Variants in GPR158 observed in about 807,000 individuals in gnomAD.
GPR158 encodes the protein G protein-coupled receptor 158, also known as metabotropic glycine receptor.
In GPR158, 30 loss-of-function variants were observed where a neutral mutation model predicts 78.2. The ratio of observed to expected loss-of-function variants is 0.38; its 90% CI spans 0.29 to 0.52. The LOEUF (loss-of-function observed/expected upper bound fraction) is 0.52. Ranked by LOEUF, GPR158 falls within the 20% of genes least tolerant of loss-of-function variation. The pLI is 0.83. For synonymous variants in GPR158, 581 were observed against 591.1 expected (o/e 0.98, Z 0.25); for missense variants, 1,463 against 1,523.5 (o/e 0.96, Z 0.66).
chr10:25,592,903 CAAAA>C (rs113359370), intron 8 of GPR158, among the ~76,000 whole-genome samples: 4 of 62,482 alleles, frequency 6.4e-5, no homozygotes, highest in Admixed American at 1.7e-4. Context: ...TATTTCAATG[CAAAA>C]AAAAAAAAAA....
chr10:25,222,784 G>C (rs1278970658), intron 2 of GPR158, among the ~76,000 whole-genome samples: 1 of 152,262 alleles, frequency 6.6e-6, no homozygotes, highest in African/African-American at 2.4e-5. Context: ...ATATTGATCT[G>C]TGTGTGTTCA....
At chr10:25,389,461 G>C (rs1208295766) in intron 2 of GPR158, among the ~76,000 whole-genome samples, 1 of 152,110 alleles carries the variant, frequency 6.6e-6, no homozygotes, top group African/African-American at 2.4e-5. Flanking sequence ...CTGAACACTC[G>C]TTGGAACACT....
chr10:25,431,050 G>C (rs1447832537), intron 4 of GPR158, among the ~76,000 whole-genome samples: 2 of 145,154 alleles, frequency 1.4e-5, no homozygotes, highest in Admixed American at 6.9e-5. Context: ...CACAGCAAAA[G>C]AAACTACCAT....
intron 4 of GPR158, among the ~76,000 whole-genome samples, chr10:25,414,139 A>G (rs1379057126): frequency 2.0e-5 from 3 of 152,186 alleles, no homozygotes; most frequent in Admixed American, 6.5e-5. Context: ...ATAATTAATG[A>G]TTGCTCTGCT....
At chr10:25,342,304 T>G (rs954502491) in intron 2 of GPR158, among the ~76,000 whole-genome samples, 24 of 151,888 alleles carry the variant, frequency 1.6e-4, no homozygotes, top group African/African-American at 5.8e-4. Flanking sequence ...TAATCCCTGC[T>G]GCCTTACATC....
At chr10:25,192,803 C>A (rs77808062) in intron 1 of GPR158, among the ~76,000 whole-genome samples, 6,601 of 151,100 alleles carry the variant, frequency 0.044, 417 homozygotes, top group African/African-American at 0.13. Context: ...AAATAAAAAT[C>A]GAATTCATCA....
chr10:25,401,095 ACT>A (rs909089230), intron 3 of GPR158, among the ~76,000 whole-genome samples: 2 of 151,822 alleles, frequency 1.3e-5, no homozygotes, highest in Non-Finnish European at 2.9e-5. Flanking sequence ...TGAGTCTCAC[ACT>A]CTCTTCCTAC....
intron 10 of GPR158, among the ~76,000 whole-genome samples, chr10:25,597,038 C>A (rs1368776390): frequency 6.6e-6 from 1 of 152,170 alleles, no homozygotes; most frequent in East Asian, 1.9e-4. Context: ...GTAACCTGGT[C>A]AACCTCAGTA....
chr10:25,594,126 G>A, intron 8 of GPR158, 166 bp from the exon 9 acceptor site: 1 of 548,266 alleles, frequency 1.8e-6, no homozygotes, highest in Non-Finnish European at 3.2e-6. Context: ...ATCAAATTAA[G>A]CTTAGACTTT....
chr10:25,370,025 A>AT (rs1833962085), intron 2 of GPR158, among the ~76,000 whole-genome samples: 1 of 144,098 alleles, frequency 6.9e-6, no homozygotes, highest in Non-Finnish European at 1.6e-5. Flanking sequence ...CCCCTTTATC[A>AT]TTTTTTATTG....
At chr10:25,514,389 T>C (rs1407868684) in intron 5 of GPR158, among the ~76,000 whole-genome samples, 3 of 152,178 alleles carry the variant, frequency 2.0e-5, no homozygotes, top group African/African-American at 7.2e-5. Context: ...CTTAAGTTTA[T>C]GTGAGTCCTT....
At chr10:25,343,044 A>C (rs900766154) in intron 2 of GPR158, among the ~76,000 whole-genome samples, 1 of 151,994 alleles carries the variant, frequency 6.6e-6, no homozygotes, top group East Asian at 1.9e-4. Context: ...TTGAGTAAAC[A>C]GAGACTGATT....
intron 4 of GPR158, among the ~76,000 whole-genome samples, chr10:25,462,297 G>A (rs191528280): frequency 6.6e-6 from 1 of 152,156 alleles, no homozygotes; most frequent in Non-Finnish European, 1.5e-5. Flanking sequence ...TAAGCCCACT[G>A]ATGAGACTTC....
intron 2 of GPR158, among the ~76,000 whole-genome samples, chr10:25,350,473 A>T (rs1855443593): frequency 6.6e-6 from 1 of 151,978 alleles, no homozygotes; most frequent in East Asian, 1.9e-4. Context: ...TGCCCCTTAC[A>T]TGTGAACATA....
intron 6 of GPR158, among the ~76,000 whole-genome samples, chr10:25,572,282 A>G (rs1187651168): frequency 2.0e-5 from 3 of 152,220 alleles, no homozygotes; most frequent in Admixed American, 6.5e-5. Flanking sequence ...ATAAACTAAG[A>G]TAAAATTAAA....
chr10:25,328,768 A>G (rs989371339), intron 2 of GPR158, among the ~76,000 whole-genome samples: 2 of 151,964 alleles, frequency 1.3e-5, no homozygotes, highest in Non-Finnish European at 2.9e-5. Flanking sequence ...CTGTACTAAA[A>G]ATACAAAAAT....
At chr10:25,368,382 T>C (rs1833930499) in intron 2 of GPR158, among the ~76,000 whole-genome samples, 1 of 151,724 alleles carries the variant, frequency 6.6e-6, no homozygotes, top group Non-Finnish European at 1.5e-5. Context: ...TATGAGAAAT[T>C]TGTAAGAAAA....
chr10:25,512,654 G>A (rs1397096383), intron 5 of GPR158, among the ~76,000 whole-genome samples: 1 of 152,058 alleles, frequency 6.6e-6, no homozygotes, highest in African/African-American at 2.4e-5. Flanking sequence ...TCGGTATAAT[G>A]TTGGCTGTGG....
intron 1 of GPR158, among the ~76,000 whole-genome samples, chr10:25,180,172 C>T (rs1224433354): frequency 6.6e-6 from 1 of 151,980 alleles, no homozygotes; most frequent in Non-Finnish European, 1.5e-5. Flanking sequence ...AAGCTGAGAC[C>T]CAAATAGCTA....
Sources: gnomAD v4.1 joint callset for allele counts (sites outside exome capture counted in the v4.1 genomes callset) on GRCh38, gnomAD v4.1.1 for gene constraint, MANE v1.5 for transcripts, NCBI Gene and HGNC (gene_info 2026-07-23, HGNC 2026-07-21) for gene names.